SGCZ: variants seen among roughly 807,000 people sequenced by gnomAD.
SGCZ encodes the protein sarcoglycan zeta.
In SGCZ, 40 loss-of-function variants were observed where a neutral mutation model predicts 41.3. The observed-to-expected ratio is 0.97, with a 90% CI of 0.75 to 1.26. The LOEUF (loss-of-function observed/expected upper bound fraction) is 1.26. Among genes scored for constraint, SGCZ ranks in the 50% most tolerant of loss-of-function variants. The pLI, the probability that SGCZ is intolerant of heterozygous loss-of-function variation, is 0.00. For synonymous variants in SGCZ, 206 were observed against 137.5 expected, an observed-to-expected ratio of 1.50 and a Z score of -3.49; for missense variants, 552 against 369.8, an observed-to-expected ratio of 1.49 and a Z score of -4.04.
intron 1 of SGCZ, among the ~76,000 whole-genome samples, chr8:14,996,565 C>G (rs746991111): frequency 6.6e-6 from 1 of 152,138 alleles, no homozygotes; most frequent in African/African-American, 2.4e-5. Flanking sequence ...CCATGCCAGG[C>G]TCTGATGATG....
At chr8:14,263,538 G>C (rs780686485) in intron 3 of SGCZ, among the ~76,000 whole-genome samples, 3 of 152,034 alleles carry the variant, frequency 2.0e-5, no homozygotes, top group Non-Finnish European at 4.4e-5. Flanking sequence ...GAGAAAATGA[G>C]ATTCTGTCTC....
At chr8:14,347,693 G>C (rs1390932934) in intron 2 of SGCZ, among the ~76,000 whole-genome samples, 3 of 151,530 alleles carry the variant, frequency 2.0e-5, no homozygotes, top group Admixed American at 2.0e-4. Context: ...AATTTTTAGA[G>C]ATTATTTATT....
chr8:14,218,274 A>T (rs527906867), intron 4 of SGCZ, among the ~76,000 whole-genome samples: 1 of 152,230 alleles, frequency 6.6e-6, no homozygotes, highest in Non-Finnish European at 1.5e-5. Flanking sequence ...ACACTTTTGC[A>T]TTTTCCTGTA....
At chr8:14,212,492 T>G (rs1342111465) in intron 4 of SGCZ, among the ~76,000 whole-genome samples, 49 of 130,086 alleles carry the variant, frequency 3.8e-4, no homozygotes, top group African/African-American at 1.4e-3. Context: ...AAAAAAAAAG[T>G]TGCCAGAGCT....
intron 5 of SGCZ, among the ~76,000 whole-genome samples, chr8:14,152,871 G>A (rs1803753387): frequency 6.6e-6 from 1 of 152,076 alleles, no homozygotes; most frequent in East Asian, 1.9e-4. Context: ...TGATATATAC[G>A]ACAACTTGGA....
intron 5 of SGCZ, among the ~76,000 whole-genome samples, chr8:14,144,387 C>A (rs56751844): frequency 6.6e-6 from 1 of 151,948 alleles, no homozygotes; most frequent in South Asian, 2.1e-4. Flanking sequence ...GAAGGGAATC[C>A]ACTGCTTTGA....
chr8:15,230,079 G>A (rs1301685434), intron 1 of SGCZ, among the ~76,000 whole-genome samples: 1 of 151,916 alleles, frequency 6.6e-6, no homozygotes, highest in African/African-American at 2.4e-5. Flanking sequence ...GAGATGTGAA[G>A]TGTTGAGGCA....
intron 2 of SGCZ, among the ~76,000 whole-genome samples, chr8:14,368,944 G>T (rs1303706768): frequency 1.3e-5 from 2 of 151,830 alleles, no homozygotes; most frequent in African/African-American, 4.8e-5. Context: ...GGACTGTGCT[G>T]TCTTTCTGAT....
intron 2 of SGCZ, among the ~76,000 whole-genome samples, chr8:14,417,318 A>G (rs1799520272): frequency 6.6e-6 from 1 of 151,878 alleles, no homozygotes; most frequent in Admixed American, 6.6e-5. Context: ...GCATACATTC[A>G]TTTCTTTATA....
chr8:14,418,885 A>G (rs551288594), intron 2 of SGCZ, among the ~76,000 whole-genome samples: 23 of 152,102 alleles, frequency 1.5e-4, no homozygotes, highest in Admixed American at 1.5e-3. Flanking sequence ...TTATTTTGAA[A>G]TTTATCAGAA....
intron 1 of SGCZ, among the ~76,000 whole-genome samples, chr8:14,778,726 G>A (rs890574968): frequency 6.6e-6 from 1 of 152,110 alleles, no homozygotes; most frequent in Non-Finnish European, 1.5e-5. Context: ...TGAGAGAGAT[G>A]TTTTATTTCA....
intron 1 of SGCZ, among the ~76,000 whole-genome samples, chr8:15,219,398 T>C (rs974005602): frequency 2.0e-5 from 3 of 152,188 alleles, no homozygotes; most frequent in Non-Finnish European, 4.4e-5. Context: ...GTATAAGATA[T>C]ATCAACTGCA....
At chr8:14,865,455 C>T (rs1372516460) in intron 1 of SGCZ, among the ~76,000 whole-genome samples, 1 of 148,780 alleles carries the variant, frequency 6.7e-6, no homozygotes, top group Non-Finnish European at 1.5e-5. Context: ...ACACAATCAA[C>T]CCCTGTGAAT....
chr8:15,097,802 ATATATATATATACGTGTGTG>A (rs1585559500), intron 1 of SGCZ, among the ~76,000 whole-genome samples: 3 of 101,806 alleles, frequency 2.9e-5, no homozygotes, highest in African/African-American at 5.6e-5. Flanking sequence ...ATATACGTGT[ATATATATATATACGTGTGTG>A]TATATATATA....
chr8:14,239,468 T>C (rs1040581753), intron 3 of SGCZ, among the ~76,000 whole-genome samples: 6 of 152,180 alleles, frequency 3.9e-5, no homozygotes, highest in African/African-American at 9.7e-5. Flanking sequence ...TTGTATGATA[T>C]AGCATACATG....
At chr8:14,713,772 T>C (rs1809598259) in intron 1 of SGCZ, among the ~76,000 whole-genome samples, 1 of 152,030 alleles carries the variant, frequency 6.6e-6, no homozygotes, top group South Asian at 2.1e-4. Context: ...AATTATATTA[T>C]TTATGTTAAT....
At chr8:14,831,401 T>C (rs758160634) in intron 1 of SGCZ, among the ~76,000 whole-genome samples, 1 of 152,180 alleles carries the variant, frequency 6.6e-6, no homozygotes, top group Non-Finnish European at 1.5e-5. Context: ...GGGGCTACCA[T>C]GACTCCACCA....
At chr8:15,078,716 T>C (rs915424226) in intron 1 of SGCZ, among the ~76,000 whole-genome samples, 2 of 148,950 alleles carry the variant, frequency 1.3e-5, no homozygotes, top group Non-Finnish European at 2.9e-5. Flanking sequence ...TGTGTGTATA[T>C]ATATACACAA....
rs532120698 is a variant in SGCZ at position 14,238,800 on chromosome 8, C to G, written c.337-1121G>C. Among the ~76,000 whole-genome samples, 11 of 152,116 alleles carry G rather than the reference C, an allele frequency of 7.2e-5. No individual in the cohort carries two copies. The South Asian group carries it at 1.2e-3, about 17-fold the overall frequency. Reference sequence around the variant, plus strand: ...TAGAACAAAACTTGCCCTCTTGGTGCTTGCATTGTGGATGCTGAAATACTA... The same window carrying G: ...TAGAACAAAACTTGCCCTCTTGGTGGTTGCATTGTGGATGCTGAAATACTA... On this transcript the variant is annotated intron_variant, in intron 3 of 7. Transcript: ENST00000382080.
Sources: gnomAD v4.1 joint callset for allele counts (sites outside exome capture counted in the v4.1 genomes callset) on GRCh38, gnomAD v4.1.1 for gene constraint, MANE v1.5 for transcripts, NCBI Gene and HGNC (gene_info 2026-07-23, HGNC 2026-07-21) for gene names.